EPB41L2: variants seen among roughly 807,000 people sequenced by gnomAD.
The protein encoded by EPB41L2 is erythrocyte membrane protein band 4.1 like 2.
Under a neutral mutation model 113.0 loss-of-function variants are expected in EPB41L2, and 43 were observed. The observed-to-expected ratio is 0.38, with a 90% confidence interval of 0.30 to 0.49. EPB41L2 has a LOEUF of 0.49. EPB41L2 is among the 20% of genes least tolerant of loss of function. The pLI is 0.95. For synonymous variants in EPB41L2, 442 were observed against 436.7 expected (o/e 1.01, Z -0.15); for missense variants, 1,147 against 1,223.4 (o/e 0.94, Z 0.93).
chr6:130,987,648 G>A (rs757642781), intron 1 of EPB41L2, among the ~76,000 whole-genome samples: 7 of 152,064 alleles, frequency 4.6e-5, no homozygotes, highest in Non-Finnish European at 1.0e-4. Flanking sequence ...AGCCGAGATC[G>A]TGCCACAGAA....
intron 1 of EPB41L2, among the ~76,000 whole-genome samples, chr6:131,023,783 A>C (rs1301953665): frequency 6.6e-5 from 9 of 135,872 alleles, no homozygotes; most frequent in Non-Finnish European, 1.2e-4. Context: ...ATATATAGAT[A>C]TATAGATATA....
chr6:130,899,027 A>G (rs1415479053), intron 8 of EPB41L2, among the ~76,000 whole-genome samples: 1 of 152,094 alleles, frequency 6.6e-6, no homozygotes, highest in Non-Finnish European at 1.5e-5. Flanking sequence ...CCTACAGGGA[A>G]AAGACCAACT....
chr6:130,985,337 C>T (rs78657207), intron 1 of EPB41L2, among the ~76,000 whole-genome samples: 1,571 of 151,684 alleles, frequency 0.01, 35 homozygotes, highest in African/African-American at 0.037. Context: ...GACCATCCCG[C>T]ATCTCCTCTC....
intron 19 of EPB41L2, among the ~76,000 whole-genome samples, chr6:130,853,437 TC>T (rs1361923151): frequency 1.3e-5 from 2 of 152,160 alleles, no homozygotes; most frequent in Non-Finnish European, 2.9e-5. Flanking sequence ...GGTGATAAGG[TC>T]AGCAATATTT....
At position 130,997,058 on chromosome 6, in the gene EPB41L2, T is replaced by G. The variant is rs549724431; in HGVS notation, c.-14-40559A>C. Reference sequence around the variant, plus strand: ...GATTTACCAAAAACACAGAGGTACATTCATACTATTCCTCTTTGAGCTTGG... The same window carrying G: ...GATTTACCAAAAACACAGAGGTACAGTCATACTATTCCTCTTTGAGCTTGG... On this transcript the variant is annotated intron_variant, in intron 1 of 19. Coordinates refer to ENST00000337057, the MANE Select transcript of EPB41L2 (RefSeq NM_001431.4). Among the ~76,000 whole-genome samples the G allele has an allele frequency of 1.3e-4, 20 of 152,284 alleles. 1 individual carries two copies. The highest frequency in any genetic ancestry group is 4.8e-4 in the African/African-American group (20 of 41,562).
Position 130,840,138 on chromosome 6 carries a change from T to G in EPB41L2, c.*466A>C, listed in dbSNP as rs1775036983. The G allele has an allele frequency of 6.6e-6, 1 of 152,400 alleles. No homozygotes were observed. The highest frequency in any genetic ancestry group is 1.5e-5 in the Non-Finnish European group (1 of 68,030). The allele number at this position is 152,400 out of a possible 1,614,324, so 9.4% of individuals were successfully genotyped here. ...ACTCCGTAAATATTTACTGTGAGAA[T>G]TCAATGAAAAGAATCCAGAAGAAGG... is the stretch of plus-strand genomic sequence containing the variant. On this transcript the variant is annotated 3_prime_UTR_variant, in exon 20 of 20. Coordinates refer to ENST00000337057, the MANE Select transcript of EPB41L2 (RefSeq NM_001431.4).
At chr6:130,994,207 C>T (rs1445748153) in intron 1 of EPB41L2, among the ~76,000 whole-genome samples, 1 of 152,066 alleles carries the variant, frequency 6.6e-6, no homozygotes, top group Non-Finnish European at 1.5e-5. Flanking sequence ...TAATGTAGCC[C>T]CTTTTCCAAG....
At chr6:131,036,855 T>C (rs903188344) in intron 1 of EPB41L2, among the ~76,000 whole-genome samples, 2 of 152,120 alleles carry the variant, frequency 1.3e-5, no homozygotes, top group African/African-American at 4.8e-5. Context: ...TGAGACAGAA[T>C]TCTAGGGCAC....
intron 1 of EPB41L2, among the ~76,000 whole-genome samples, chr6:131,059,431 C>A (rs1412620863): frequency 6.6e-6 from 1 of 152,220 alleles, no homozygotes; most frequent in Non-Finnish European, 1.5e-5. Flanking sequence ...CTAAACAACT[C>A]TAATAGCTAA....
rs1362340820 is a variant in EPB41L2, at chr6:130,840,562, G to C, written c.*42C>G. On this transcript the variant is annotated 3_prime_UTR_variant, in exon 20 of 20. Coordinates refer to ENST00000337057, the MANE Select transcript of EPB41L2 (RefSeq NM_001431.4). ...TTGGAACGGTCAAAAAATCTTCAGGGGTTCACAAAGTTGAGTGTTGTTTAA... is the reference window on the plus strand; with the variant it reads ...TTGGAACGGTCAAAAAATCTTCAGGCGTTCACAAAGTTGAGTGTTGTTTAA... 6.6e-6 allele frequency: 1 copy of C among 150,930 alleles called. No individual in the cohort carries two copies. The highest frequency in any genetic ancestry group is 1.5e-5 in the Non-Finnish European group (1 of 67,854). The allele number at this position is 150,930 out of a possible 1,614,324, so 9.3% of individuals were successfully genotyped here.
At chr6:131,019,115 T>C (rs1028089825) in intron 1 of EPB41L2, among the ~76,000 whole-genome samples, 2 of 152,230 alleles carry the variant, frequency 1.3e-5, no homozygotes, top group African/African-American at 4.8e-5. Context: ...ACTGTTATCT[T>C]TACAATATCA....
intron 5 of EPB41L2, among the ~76,000 whole-genome samples, chr6:130,908,437 A>T (rs189597131): frequency 6.6e-5 from 10 of 152,358 alleles, no homozygotes; most frequent in Middle Eastern, 6.8e-3. Flanking sequence ...GTGGCCAAAG[A>T]TGTGCATATT....
chr6:131,027,559 G>C (rs761580018), intron 1 of EPB41L2, among the ~76,000 whole-genome samples: 3 of 152,200 alleles, frequency 2.0e-5, no homozygotes, highest in Non-Finnish European at 4.4e-5. Flanking sequence ...TTGCCAAAAA[G>C]ATACAAGGCC....
At chr6:130,977,640 C>A (rs1285139784) in intron 1 of EPB41L2, among the ~76,000 whole-genome samples, 1 of 152,164 alleles carries the variant, frequency 6.6e-6, no homozygotes, top group Admixed American at 6.5e-5. Flanking sequence ...CCTCCTCCCC[C>A]AAAATTCTAA....
intron 3 of EPB41L2, among the ~76,000 whole-genome samples, chr6:130,929,418 A>C (rs920113708): frequency 6.6e-6 from 1 of 152,182 alleles, no homozygotes; most frequent in Non-Finnish European, 1.5e-5. Flanking sequence ...AAGATACTGG[A>C]GGATACAGTA....
intron 19 of EPB41L2, among the ~76,000 whole-genome samples, chr6:130,844,990 T>C (rs1776563673): frequency 6.6e-6 from 1 of 152,168 alleles, no homozygotes; most frequent in African/African-American, 2.4e-5. Context: ...TGCAGTGAGC[T>C]GAGATCATGC....
At chr6:131,003,992 C>T (rs1053183303) in intron 1 of EPB41L2, among the ~76,000 whole-genome samples, 4 of 151,570 alleles carry the variant, frequency 2.6e-5, no homozygotes, top group Non-Finnish European at 5.9e-5. Context: ...GTACTTACAA[C>T]TTATCAGCTT....
At chr6:130,858,318 A>G in intron 18 of EPB41L2, 75 bp from the exon 19 acceptor site, 3 of 1,172,458 alleles carry the variant, frequency 2.6e-6, no homozygotes, top group Non-Finnish European at 3.7e-6. Flanking sequence ...ACACACACAC[A>G]CTGATCACCT....
At chr6:130,932,871 C>T (rs1008822746) in intron 3 of EPB41L2, among the ~76,000 whole-genome samples, 3 of 152,332 alleles carry the variant, frequency 2.0e-5, no homozygotes, top group Admixed American at 1.3e-4. Flanking sequence ...GAATTCAGGC[C>T]TGCTGGTTTC....
Sources: allele counts gnomAD v4.1 joint callset (sites outside exome capture counted in the v4.1 genomes callset), GRCh38; gene constraint gnomAD v4.1.1; transcripts MANE v1.5; gene names NCBI Gene and HGNC (gene_info 2026-07-23, HGNC 2026-07-21).